Variants in TRIP12 observed in about 807,000 individuals in gnomAD.
TRIP12 encodes thyroid hormone receptor interactor 12.
In TRIP12, 25 loss-of-function variants were observed where a neutral mutation model predicts 244.2. The ratio of observed to expected loss-of-function variants is 0.10; its 90% CI spans 0.07 to 0.14. TRIP12 has a LOEUF of 0.14. Among genes scored for constraint, TRIP12 ranks in the 10% least tolerant of loss-of-function variants. The pLI is 1.00. For missense variants in TRIP12, 1,677 were observed against 2,486.4 expected, an observed-to-expected ratio of 0.67 and a Z score of 6.92; for synonymous variants, 905 against 873.1, an observed-to-expected ratio of 1.04 and a Z score of -0.64.
chr2:229,830,902 C>T (rs2053177686), intron 6 of TRIP12, 63 bp from the exon 7 acceptor site: 2 of 1,559,800 alleles, frequency 1.3e-6, no homozygotes, highest in Admixed American at 3.6e-5. Context: ...GTCTGGCTTA[C>T]CTTAGAAAAA....
intron 38 of TRIP12, 193 bp downstream of exon 38, chr2:229,773,904 T>A: frequency 8.7e-6 from 4 of 460,704 alleles, no homozygotes; most frequent in Non-Finnish European, 1.5e-5. Context: ...CAAGGTTATA[T>A]AAGACAGGAA....
chr2:229,866,041 G>A (rs1021470859), intron 2 of TRIP12, among the ~76,000 whole-genome samples: 1 of 152,096 alleles, frequency 6.6e-6, no homozygotes, highest in Admixed American at 6.6e-5. Flanking sequence ...TGGATTAGAG[G>A]TAAAGATGAG....
At chr2:229,832,833 C>T (rs1204479779) in intron 6 of TRIP12, among the ~76,000 whole-genome samples, 1 of 152,196 alleles carries the variant, frequency 6.6e-6, no homozygotes, top group South Asian at 2.1e-4. Context: ...TACAGAAATG[C>T]TGTTAACGAA....
chr2:229,791,089 T>C lies in TRIP12; in HGVS notation c.4543+35A>G, dbSNP rs1157397696. ...CATGAAAATGGGAAGATTGCCCAGT[T>C]GGCAATCCATTTTCCCCTTTATCTA... On this transcript the variant is annotated intron_variant, in intron 30 of 41. Coordinates refer to ENST00000675903, the MANE Select transcript of TRIP12 (RefSeq NM_001348323.3). 3 of 1,610,456 alleles carry C rather than the reference T, an allele frequency of 1.9e-6. No homozygotes were observed. In the South Asian group the frequency reaches 3.3e-5, roughly 18 times the overall value.
At chr2:229,845,963 C>T (rs376450617) in intron 4 of TRIP12, among the ~76,000 whole-genome samples, 16 of 147,832 alleles carry the variant, frequency 1.1e-4, no homozygotes, top group African/African-American at 4.0e-4. Flanking sequence ...GAGCTATGAT[C>T]ACACCACTGC....
At chr2:229,909,852 CTCTAAAA>C (rs2154376506) in intron 1 of TRIP12, among the ~76,000 whole-genome samples, 1 of 152,228 alleles carries the variant, frequency 6.6e-6, no homozygotes, top group Admixed American at 6.5e-5. Context: ...AGACACCCAA[CTCTAAAA>C]ACAAAAAATA....
chr2:229,879,165 T>TTTTTA (rs772197144), intron 2 of TRIP12, among the ~76,000 whole-genome samples: 5 of 152,032 alleles, frequency 3.3e-5, no homozygotes, highest in Admixed American at 6.6e-5. Context: ...GGTGGAAGGA[T>TTTTTA]TTTTAAGCCT....
chr2:229,864,003 A>AG (rs1491452638), intron 2 of TRIP12, among the ~76,000 whole-genome samples: 1,739 of 76,070 alleles, frequency 0.023, 22 homozygotes, highest in Admixed American at 0.038. Flanking sequence ...GATTTGGGTG[A>AG]AAGAGAGAGA....
chr2:229,818,614 T>C, intron 8 of TRIP12, 102 bp from the exon 9 acceptor site: 1 of 1,109,550 alleles, frequency 9.0e-7, no homozygotes, highest in African/African-American at 1.6e-5. Context: ...CTTCTTTGCA[T>C]CCTAATGAAA....
At chr2:229,894,863 ACTT>A (rs2068359240) in intron 1 of TRIP12, among the ~76,000 whole-genome samples, 1 of 152,218 alleles carries the variant, frequency 6.6e-6, no homozygotes. Context: ...TCCTAAAAAA[ACTT>A]CTCTGCCAGT....
At chr2:229,819,462 T>C (rs1288502730) in intron 8 of TRIP12, among the ~76,000 whole-genome samples, 5 of 152,168 alleles carry the variant, frequency 3.3e-5, no homozygotes, top group Non-Finnish European at 7.4e-5. Context: ...GGAGAACTGC[T>C]TGAACCTGAG....
chr2:229,922,960 G>A (rs2076809744), upstream of TRIP12, among the ~76,000 whole-genome samples: 1 of 152,186 alleles, frequency 6.6e-6, no homozygotes. Context: ...TGAGAAGGAG[G>A]GAAAGAACGA....
upstream of TRIP12, chr2:229,922,452 C>T (rs2076746090): frequency 1.6e-5 from 25 of 1,552,790 alleles, no homozygotes; most frequent in Non-Finnish European, 2.0e-5. Context: ...GTTTTGGCCC[C>T]TTGACCCCAA....
intron 18 of TRIP12, 131 bp downstream of exon 18, chr2:229,805,599 C>A (rs192763023): frequency 2.1e-6 from 2 of 961,436 alleles, no homozygotes; most frequent in African/African-American, 3.3e-5. Flanking sequence ...TTTAAAAAAT[C>A]GAAAACCAAA....
chr2:229,917,108 C>T (rs1188482885), intron 1 of TRIP12, among the ~76,000 whole-genome samples: 1 of 152,030 alleles, frequency 6.6e-6, no homozygotes, highest in Non-Finnish European at 1.5e-5. Flanking sequence ...TGGCCGGGCG[C>T]GGTGGCTCAC....
At chr2:229,867,114 T>G (rs558667602) in intron 2 of TRIP12, among the ~76,000 whole-genome samples, 272 of 151,674 alleles carry the variant, frequency 1.8e-3, no homozygotes, top group Non-Finnish European at 3.1e-3. Flanking sequence ...TTTTTGTTTT[T>G]TTTTTTAAGT....
chr2:229,784,827 T>C (rs1055143108), intron 34 of TRIP12, among the ~76,000 whole-genome samples: 4 of 152,242 alleles, frequency 2.6e-5, no homozygotes, highest in Non-Finnish European at 5.9e-5. Flanking sequence ...CTGGTGGGAA[T>C]GTAAAATGTG....
chr2:229,829,213 C>T lies in TRIP12; in HGVS notation c.1430G>A (p.Arg477Lys). 1 of 1,613,852 alleles carries T rather than the reference C, an allele frequency of 6.2e-7. No individual in the cohort carries two copies. Among genetic ancestry groups the T allele is most frequent in the East Asian group, 2.2e-5 (1 of 44,846 alleles). ...LGPRMSQLFHRTIGSGASSKA... is the reference protein window; with the variant it reads ...LGPRMSQLFHKTIGSGASSKA... ...CTTACTAGCTCCACTTCCAATTGTT[C>T]TATGGAAAAGCTGTGACATCCGAGG... Residue 477 changes from arginine to lysine, a missense_variant, in exon 8 of 42, where the codon AGA becomes AAA. Around this residue, in one of 11 missense-constraint regions of TRIP12, gnomAD observed 143 missense variants for 215.6 expected, o/e 0.66. Transcript: ENST00000675903.
chr2:229,816,693 T>G (rs549973431), intron 9 of TRIP12, among the ~76,000 whole-genome samples: 1 of 152,350 alleles, frequency 6.6e-6, no homozygotes, highest in South Asian at 2.1e-4. Flanking sequence ...TGTGTCAACA[T>G]TTCTGCCTAG....
Sources: gnomAD v4.1 joint callset for allele counts (sites outside exome capture counted in the v4.1 genomes callset) on GRCh38, gnomAD v4.1.1 for gene constraint, gnomAD v4.1.1 regional missense constraint, MANE v1.5 for transcripts, NCBI Gene and HGNC (gene_info 2026-07-23, HGNC 2026-07-21) for gene names.